Variants in WWOX observed in about 807,000 individuals in gnomAD.
WWOX encodes the protein WW domain-containing oxidoreductase.
A neutral mutation model predicts 46.2 loss-of-function variants in WWOX; 69 were observed. The ratio of observed to expected loss-of-function variants is 1.49; its 90% CI spans 1.23 to 1.82. The LOEUF (loss-of-function observed/expected upper bound fraction) is 1.82. Among genes scored for constraint, WWOX ranks in the 40% most tolerant of loss-of-function variants. The pLI is 0.00. For missense variants in WWOX, 919 were observed against 542.6 expected, an observed-to-expected ratio of 1.69 and a Z score of -6.89; for synonymous variants, 359 against 202.6, an observed-to-expected ratio of 1.77 and a Z score of -6.56.
intron 8 of WWOX, among the ~76,000 whole-genome samples, chr16:79,088,566 A>T (rs1345206950): frequency 2.6e-5 from 4 of 152,150 alleles, no homozygotes; most frequent in African/African-American, 7.2e-5. Context: ...GATGTTTTCT[A>T]TGGGGGTTTC....
chr16:78,409,566 G>A (rs773557358), intron 6 of WWOX, among the ~76,000 whole-genome samples: 8 of 152,088 alleles, frequency 5.3e-5, no homozygotes, highest in African/African-American at 1.2e-4. Flanking sequence ...ACTTAAAACA[G>A]CAAACATACA....
chr16:78,234,071 G>A (rs1228488692), intron 5 of WWOX, among the ~76,000 whole-genome samples: 3 of 151,892 alleles, frequency 2.0e-5, no homozygotes, highest in Non-Finnish European at 4.4e-5. Context: ...ATTACCTAAA[G>A]GGAACTTATT....
chr16:78,594,419 C>G (rs997380413), intron 8 of WWOX, among the ~76,000 whole-genome samples: 5 of 119,226 alleles, frequency 4.2e-5, no homozygotes, highest in Non-Finnish European at 1.6e-5. Context: ...ACGAAGAAGA[C>G]TGAGGAAAGG....
chr16:78,474,154 T>C (rs1045366124), intron 8 of WWOX, among the ~76,000 whole-genome samples: 1 of 152,230 alleles, frequency 6.6e-6, no homozygotes, highest in Non-Finnish European at 1.5e-5. Flanking sequence ...ATTGAAATGG[T>C]TCTGCTGAAA....
intron 8 of WWOX, among the ~76,000 whole-genome samples, chr16:79,072,939 C>G (rs2048579037): frequency 6.6e-6 from 1 of 152,038 alleles, no homozygotes; most frequent in African/African-American, 2.4e-5. Context: ...AGTGTTTTCC[C>G]CATTTGGACT....
At chr16:78,899,863 T>C (rs987171831) in intron 8 of WWOX, among the ~76,000 whole-genome samples, 3 of 152,194 alleles carry the variant, frequency 2.0e-5, no homozygotes, top group Admixed American at 6.5e-5. Flanking sequence ...GGTTCAGGTA[T>C]TAACATAAAT....
intron 8 of WWOX, among the ~76,000 whole-genome samples, chr16:79,180,345 G>T (rs950869945): frequency 6.6e-6 from 1 of 152,188 alleles, no homozygotes; most frequent in Non-Finnish European, 1.5e-5. Flanking sequence ...GTACTGAATG[G>T]ATCAATAGTG....
At chr16:78,440,412 C>T (rs905776263) in intron 8 of WWOX, among the ~76,000 whole-genome samples, 1 of 152,088 alleles carries the variant, frequency 6.6e-6, no homozygotes, top group African/African-American at 2.4e-5. Context: ...TCAGTCTGAA[C>T]AGCACACGTC....
intron 8 of WWOX, among the ~76,000 whole-genome samples, chr16:78,770,226 C>T (rs778715240): frequency 6.6e-6 from 1 of 151,980 alleles, no homozygotes; most frequent in Non-Finnish European, 1.5e-5. Flanking sequence ...TGGTGTGCTC[C>T]TGTAGTTCCA....
intron 8 of WWOX, among the ~76,000 whole-genome samples, chr16:78,540,018 TCTCACACACACA>T (rs1312020041): frequency 3.9e-5 from 4 of 102,452 alleles, no homozygotes; most frequent in Admixed American, 2.0e-4. Flanking sequence ...TCTCTCTCTC[TCTCACACACACA>T]CACACACACA....
intron 5 of WWOX, among the ~76,000 whole-genome samples, chr16:78,206,686 G>A (rs1305900351): frequency 2.0e-5 from 3 of 152,106 alleles, no homozygotes; most frequent in Non-Finnish European, 4.4e-5. Flanking sequence ...AATCATTACT[G>A]ATTACCTCCA....
intron 5 of WWOX, among the ~76,000 whole-genome samples, chr16:78,255,627 C>T (rs1430098730): frequency 6.6e-6 from 1 of 152,154 alleles, no homozygotes; most frequent in Non-Finnish European, 1.5e-5. Context: ...TTCCTTCACA[C>T]ACACACCCCA....
intron 8 of WWOX, among the ~76,000 whole-genome samples, chr16:78,605,126 G>C (rs1050279667): frequency 2.7e-5 from 4 of 150,328 alleles, no homozygotes; most frequent in Non-Finnish European, 5.9e-5. Context: ...TGTTAGCCTG[G>C]CTAGCTTTTT....
At chr16:79,067,893 C>T (rs1424862613) in intron 8 of WWOX, among the ~76,000 whole-genome samples, 2 of 152,192 alleles carry the variant, frequency 1.3e-5, no homozygotes, top group South Asian at 4.1e-4. Context: ...AGAGGCTAGC[C>T]TCCTGAGAGG....
chr16:79,198,162 T>TAA lies in WWOX; in HGVS notation c.1057-13436_1057-13435dup, dbSNP rs796343068. ...CAACATGGTGAAACCCCGTCTCTAC[T>TAA]AAAAAAAAAAACAAAAACCACAAAA... On this transcript the variant is annotated intron_variant, in intron 8 of 8. Transcript: ENST00000566780. 2.2e-5 allele frequency among the ~76,000 whole-genome samples: 3 copies of TAA among 135,724 alleles called. No individual in the cohort carries two copies. The East Asian group carries it at 6.5e-4, about 29-fold the overall frequency. 89.0% of individuals were successfully genotyped at this position (135,724 alleles called of 152,430 possible).
chr16:78,463,084 T>C (rs1465159217), intron 8 of WWOX, among the ~76,000 whole-genome samples: 1 of 152,238 alleles, frequency 6.6e-6, no homozygotes, highest in South Asian at 2.1e-4. Flanking sequence ...GGCAGGTCTT[T>C]GTTTCATGTC....
At chr16:79,187,312 C>G (rs1318100136) in intron 8 of WWOX, among the ~76,000 whole-genome samples, 1 of 152,122 alleles carries the variant, frequency 6.6e-6, no homozygotes, top group Admixed American at 6.5e-5. Context: ...TATCGTGGTG[C>G]CCCCAAACAT....
chr16:79,066,051 C>G (rs1326839300), intron 8 of WWOX, among the ~76,000 whole-genome samples: 1 of 152,212 alleles, frequency 6.6e-6, no homozygotes, highest in Non-Finnish European at 1.5e-5. Flanking sequence ...TCTGTGGAGC[C>G]TTTGATAATC....
In WWOX at chr16:78,330,745, T is replaced by G. The variant is rs186443108; in HGVS notation, c.517-56115T>G. ...ATGTGGGTGTATTTTTCTGAACATG[T>G]CAGTGAAGTTTAAATATTCATCTCA... On this transcript the variant is annotated intron_variant, in intron 5 of 8. Transcript: ENST00000566780. 8.5e-5 allele frequency among the ~76,000 whole-genome samples: 13 copies of G among 152,330 alleles called. No individual in the cohort carries two copies. In the East Asian group the frequency reaches 2.5e-3, roughly 29 times the overall value.
Sources: allele counts gnomAD v4.1 joint callset (sites outside exome capture counted in the v4.1 genomes callset), GRCh38; gene constraint gnomAD v4.1.1; transcripts MANE v1.5; gene names NCBI Gene and HGNC (gene_info 2026-07-23, HGNC 2026-07-21).